FANCC: variants seen among roughly 807,000 people sequenced by gnomAD.
FANCC encodes Fanconi anemia group C protein.
A neutral mutation model predicts 71.3 loss-of-function variants in FANCC; 55 were observed. The ratio of observed to expected loss-of-function variants is 0.77; its 90% CI spans 0.62 to 0.97. FANCC has a LOEUF of 0.97. FANCC is among the 50% of genes least tolerant of loss of function. The pLI, the probability that FANCC is intolerant of heterozygous loss-of-function variation, is 0.00. For synonymous variants in FANCC, 275 were observed against 244.9 expected (o/e 1.12, Z -1.15); for missense variants, 678 against 670.9 (o/e 1.01, Z -0.12).
intron 6 of FANCC, among the ~76,000 whole-genome samples, chr9:95,154,826 GCA>G (rs1830366868): frequency 6.6e-6 from 1 of 151,850 alleles, no homozygotes. Context: ...TGGGCAACAG[GCA>G]CACAGTTTTT....
At chr9:95,294,134 C>A in intron 1 of FANCC, 2 of 1,607,186 alleles carry the variant, frequency 1.2e-6, no homozygotes, top group South Asian at 2.2e-5. Flanking sequence ...AACATCTTGT[C>A]AAGTAATCTG....
intron 4 of FANCC, among the ~76,000 whole-genome samples, chr9:95,175,291 C>T (rs1382472468): frequency 3.4e-5 from 5 of 145,170 alleles, no homozygotes; most frequent in Admixed American, 2.0e-4. Context: ...AGAAGACGTT[C>T]ATGATTAATA....
rs759662786 is a variant in FANCC at position 95,247,515 on chromosome 9, T to A, written c.167A>T (p.Asp56Val). 3 of 1,611,674 alleles carry A rather than the reference T, an allele frequency of 1.9e-6. No homozygotes were observed. Among genetic ancestry groups the A allele is most frequent in the East Asian group, 2.2e-5 (1 of 44,820 alleles). ...GAATCTTTCAATGACTGTATTAGAA[T>A]CCTGTGAAAGAAAAATAAATTTTGG... is the stretch of plus-strand genomic sequence containing the variant. Reference protein sequence around the residue: ...RKMYEALKEMDSNTVIERFPT... With the variant: ...RKMYEALKEMVSNTVIERFPT... The change falls in exon 3 of 15, where the codon GAT becomes GTT. Residue 56 changes from aspartate (D) to valine (V), a missense_variant and splice_region_variant. Asp to Val is a radical substitution (Grantham distance 152). Transcript: ENST00000289081.
rs1483788900 is a variant in FANCC, at chr9:95,099,486, A to C, written c.*2221T>G. On this transcript the variant is annotated 3_prime_UTR_variant, in exon 15 of 15. Transcript: ENST00000289081. ...CATTCCTTCCCGGTGGCACCTGCCC[A>C]GGCTTTGCCGAAATCGAAGGCAACA... is the stretch of plus-strand genomic sequence containing the variant. 3.5e-5 allele frequency: 8 copies of C among 227,436 alleles called. No individual in the cohort carries two copies. Among genetic ancestry groups the C allele is most frequent in the Non-Finnish European group, 6.1e-5 (7 of 115,154 alleles). The allele number at this position is 227,436 out of a possible 1,614,324, so 14.1% of individuals were successfully genotyped here.
intron 7 of FANCC, among the ~76,000 whole-genome samples, chr9:95,149,296 C>T (rs565386400): frequency 4.0e-4 from 60 of 151,860 alleles, no homozygotes; most frequent in African/African-American, 1.3e-3. Context: ...ACCTGAGCAA[C>T]GGTAGGAGGG....
intron 9 of FANCC, among the ~76,000 whole-genome samples, chr9:95,125,617 T>C (rs1056143628): frequency 2.6e-5 from 4 of 152,226 alleles, no homozygotes; most frequent in Admixed American, 6.5e-5. Flanking sequence ...CCATGCATTA[T>C]TGTACAATTA....
rs1185191954 is a variant in FANCC at position 95,162,753 on chromosome 9, T to G, written c.521+8326A>C. Among the ~76,000 whole-genome samples the G allele has an allele frequency of 2.0e-5, 3 of 152,260 alleles. No individual in the cohort carries two copies. The South Asian group carries it at 6.2e-4, about 32-fold the overall frequency. On this transcript the variant is annotated intron_variant, in intron 6 of 14. Transcript: ENST00000289081. ...TTCATATGCTTGTTGGTCATTTGTA[T>G]ATATTCTTTGGAGAAATGTCTATTC...
Position 95,243,628 on chromosome 9 carries a change from CAA to C in FANCC, c.251-2887_251-2886del, listed in dbSNP as rs61648861. On this transcript the variant is annotated intron_variant, in intron 3 of 14. Transcript: ENST00000289081. ...TGAAACCCCATCTCTACTAAAAATA[CAA>C]AAAAAAAAAACAGATTAGCTGGGCG... is the stretch of plus-strand genomic sequence containing the variant. 8.1e-5 allele frequency among the ~76,000 whole-genome samples: 11 copies of C among 136,216 alleles called. No homozygotes were observed. In the East Asian group the frequency reaches 2.1e-3, roughly 26 times the overall value. The allele number at this position is 136,216 out of a possible 152,430, so 89.4% of individuals were successfully genotyped here. A position where few individuals can be genotyped will look rare whatever the true frequency, so the allele number is the denominator to read the frequency against.
At chr9:95,147,284 G>A (rs902150373) in intron 7 of FANCC, among the ~76,000 whole-genome samples, 17 of 152,124 alleles carry the variant, frequency 1.1e-4, no homozygotes, top group African/African-American at 3.6e-4. Flanking sequence ...TTGGGAGGCC[G>A]AGGTGGGTGG....
At chr9:95,134,600 C>T (rs1301288146) in intron 8 of FANCC, among the ~76,000 whole-genome samples, 2 of 152,200 alleles carry the variant, frequency 1.3e-5, no homozygotes, top group African/African-American at 4.8e-5. Flanking sequence ...GGCTGCGGGA[C>T]CATGGCACCT....
rs148684768 is a variant in FANCC at position 95,255,278 on chromosome 9, G to A, written c.-78-5909C>T. ...CCTGACAAGGAGACACTTCCAAGCA[G>A]GGGTCGACAGACACCTCATACAGGA... On this transcript the variant is annotated intron_variant, in intron 1 of 14. Coordinates refer to ENST00000289081, the MANE Select transcript of FANCC (RefSeq NM_000136.3). 2.8e-3 allele frequency among the ~76,000 whole-genome samples: 431 copies of A among 152,202 alleles called. 9 individuals are homozygous for A. In the South Asian group the frequency reaches 0.042, roughly 15 times the overall value.
intron 12 of FANCC, among the ~76,000 whole-genome samples, chr9:95,111,841 C>T (rs1195161465): frequency 1.3e-5 from 2 of 152,196 alleles, no homozygotes; most frequent in African/African-American, 2.4e-5. Flanking sequence ...GAGTGCCTCT[C>T]AGGACCCCCG....
At chr9:95,151,624 T>C (rs1187789788) in intron 6 of FANCC, among the ~76,000 whole-genome samples, 1 of 152,164 alleles carries the variant, frequency 6.6e-6, no homozygotes, top group East Asian at 1.9e-4. Flanking sequence ...TGTGAGTATT[T>C]GCATACTGAA....
rs730881722 is a variant in FANCC, at chr9:95,111,591, C to T, written c.1201G>A (p.Gly401Arg). The T allele has an allele frequency of 9.3e-6, 15 of 1,614,042 alleles. No individual in the cohort carries two copies. In the Admixed American group the frequency reaches 1.0e-4, roughly 11 times the overall value. ...TCTGCCACCATCTCAGCCCATCCTC[C>T]GAAGTGAATGAACAGGAACCAGCTC... ...FESWFLFIHF[G>R]GWAEMVAEQL... The change falls in exon 13 of 15, where the codon GGA (glycine) becomes AGA (arginine). Residue 401 changes from glycine (G) to arginine (R), a missense_variant. Transcript: ENST00000289081.
Position 95,111,158 on chromosome 9 carries a change from C to T in FANCC, c.1329+305G>A, listed in dbSNP as rs756930043. On this transcript the variant is annotated intron_variant, in intron 13 of 14. Transcript: ENST00000289081. Reference sequence around the variant, plus strand: ...TCTGCAGGGCACGCCTTGGAGGACGCGACCCTGGGGCAGATATGGCAGCTG... The same window carrying T: ...TCTGCAGGGCACGCCTTGGAGGACGTGACCCTGGGGCAGATATGGCAGCTG... 7.2e-5 allele frequency: 111 copies of T among 1,535,282 alleles called. No individual in the cohort carries two copies. In the Middle Eastern group the frequency reaches 1.3e-3, roughly 18 times the overall value.
chr9:95,302,243 G>A (rs551010685), intron 1 of FANCC, among the ~76,000 whole-genome samples: 2 of 152,172 alleles, frequency 1.3e-5, no homozygotes, highest in African/African-American at 4.8e-5. Flanking sequence ...GTGGACAGAA[G>A]GGGTCACTGG....
chr9:95,148,212 A>T lies in FANCC; in HGVS notation c.686+1711T>A, dbSNP rs77145674. Among the ~76,000 whole-genome samples the T allele has an allele frequency of 1.0e-2, 1,516 of 152,356 alleles. 25 individuals carry two copies. Among genetic ancestry groups the T allele is most frequent in the African/African-American group, 0.035 (1,437 of 41,576 alleles). ...TTGCCCTCAAGGATACTTTTAAAAAAGAATTCTGTACGGTGAAAAGGAAAG... is the reference window on the plus strand; with the variant it reads ...TTGCCCTCAAGGATACTTTTAAAAATGAATTCTGTACGGTGAAAAGGAAAG... On this transcript the variant is annotated intron_variant, in intron 7 of 14. Transcript: ENST00000289081.
At chr9:95,164,305 GA>G (rs1416573242) in intron 6 of FANCC, among the ~76,000 whole-genome samples, 1 of 152,146 alleles carries the variant, frequency 6.6e-6, no homozygotes, top group Non-Finnish European at 1.5e-5. Context: ...CAATTCCTCT[GA>G]CAAGGACTTC....
intron 13 of FANCC, 200 bp from the exon 14 acceptor site, chr9:95,107,469 T>G (rs570095741): frequency 8.0e-5 from 51 of 640,442 alleles, no homozygotes; most frequent in Non-Finnish European, 1.4e-4. Flanking sequence ...TGACTTTCTT[T>G]CGTCTTGCTC....
Sources: allele counts gnomAD v4.1 joint callset (sites outside exome capture counted in the v4.1 genomes callset), GRCh38; gene constraint gnomAD v4.1.1; transcripts MANE v1.5; gene names NCBI Gene and HGNC (gene_info 2026-07-23, HGNC 2026-07-21).